Variants in FAM168A observed in about 807,000 individuals in gnomAD.
FAM168A encodes the protein protein FAM168A.
FAM168A carries 3 observed loss-of-function variants against 28.5 expected under a neutral mutation model. That is an observed-to-expected ratio of 0.11 (90% CI 0.05 to 0.27). The LOEUF (loss-of-function observed/expected upper bound fraction) is 0.27. FAM168A is among the 10% of genes least tolerant of loss of function. The pLI is 1.00. For missense variants in FAM168A, 222 were observed against 311.5 expected (o/e 0.71, Z 2.16); for synonymous variants, 122 against 124.2 (o/e 0.98, Z 0.12).
chr11:73,483,165 A>G (rs1045952519), intron 1 of FAM168A, among the ~76,000 whole-genome samples: 1 of 152,228 alleles, frequency 6.6e-6, no homozygotes, highest in African/African-American at 2.4e-5. Flanking sequence ...ATGAAATAAT[A>G]TATGTTCTGC....
intron 2 of FAM168A, among the ~76,000 whole-genome samples, chr11:73,467,661 A>C (rs1233203978): frequency 6.6e-6 from 1 of 152,164 alleles, no homozygotes; most frequent in East Asian, 1.9e-4. Flanking sequence ...TAGGAAACCA[A>C]AGCCCCACAG....
chr11:73,476,477 G>A (rs982378781), intron 1 of FAM168A, among the ~76,000 whole-genome samples: 2 of 145,872 alleles, frequency 1.4e-5, no homozygotes, highest in African/African-American at 5.0e-5. Context: ...TGGGTGGGTG[G>A]AATCCGAATC....
intron 1 of FAM168A, among the ~76,000 whole-genome samples, chr11:73,482,395 C>A (rs1444507912): frequency 6.6e-6 from 1 of 151,764 alleles, no homozygotes; most frequent in South Asian, 2.1e-4. Flanking sequence ...GAAAGACCGA[C>A]AAATAAATAT....
chr11:73,546,831 A>T (rs913379880), intron 1 of FAM168A, among the ~76,000 whole-genome samples: 3 of 152,176 alleles, frequency 2.0e-5, no homozygotes, highest in African/African-American at 7.2e-5. Context: ...CAAAAATTAC[A>T]TATGTGTTAA....
chr11:73,437,036 C>T (rs930729412), intron 2 of FAM168A, among the ~76,000 whole-genome samples: 4 of 151,700 alleles, frequency 2.6e-5, no homozygotes, highest in Non-Finnish European at 5.9e-5. Flanking sequence ...TCCAACTTGT[C>T]ACTCAGCACA....
At chr11:73,554,621 T>C (rs1011629025) in intron 1 of FAM168A, among the ~76,000 whole-genome samples, 2 of 152,196 alleles carry the variant, frequency 1.3e-5, no homozygotes, top group African/African-American at 4.8e-5. Flanking sequence ...AAAAAATGAA[T>C]ATATAAAATG....
chr11:73,592,461 T>C (rs1162558488), intron 1 of FAM168A, among the ~76,000 whole-genome samples: 1 of 152,262 alleles, frequency 6.6e-6, no homozygotes, highest in Non-Finnish European at 1.5e-5. Flanking sequence ...CTTGGTTTAG[T>C]CTCTTTCCTC....
intron 1 of FAM168A, among the ~76,000 whole-genome samples, chr11:73,495,333 T>TTAAA (rs556465950): frequency 4.4e-4 from 67 of 151,848 alleles, no homozygotes; most frequent in Admixed American, 7.9e-4. Context: ...CGTCTCAAAA[T>TTAAA]TAAATAAATA....
intron 3 of FAM168A, among the ~76,000 whole-genome samples, chr11:73,425,915 AG>A (rs1308116144): frequency 6.6e-6 from 1 of 152,240 alleles, no homozygotes; most frequent in African/African-American, 2.4e-5. Flanking sequence ...GTTGGAGGCA[AG>A]AAGCCCCAAC....
intron 1 of FAM168A, among the ~76,000 whole-genome samples, chr11:73,516,009 G>A (rs373049118): frequency 6.6e-6 from 1 of 151,860 alleles, no homozygotes; most frequent in Non-Finnish European, 1.5e-5. Flanking sequence ...GCTGAGGCAG[G>A]AGAATCGCTT....
chr11:73,538,741 GA>G (rs1458638355), intron 1 of FAM168A, among the ~76,000 whole-genome samples: 3 of 152,148 alleles, frequency 2.0e-5, no homozygotes, highest in Non-Finnish European at 4.4e-5. Context: ...TTCCAAAAGA[GA>G]AACCAAGCTT....
intron 1 of FAM168A, among the ~76,000 whole-genome samples, chr11:73,538,732 T>C (rs1363847988): frequency 1.3e-5 from 2 of 152,108 alleles, no homozygotes; most frequent in African/African-American, 4.8e-5. Context: ...AACCAAACAT[T>C]CCAAAAGAGA....
intron 2 of FAM168A, among the ~76,000 whole-genome samples, chr11:73,468,110 A>G (rs539772763): frequency 3.9e-5 from 6 of 152,340 alleles, no homozygotes; most frequent in African/African-American, 1.4e-4. Flanking sequence ...TAACACACTG[A>G]TCATCTAACA....
chr11:73,575,672 C>A (rs1944163370), intron 1 of FAM168A, among the ~76,000 whole-genome samples: 1 of 152,014 alleles, frequency 6.6e-6, no homozygotes, highest in Non-Finnish European at 1.5e-5. Context: ...GAGTTTGAGA[C>A]CAGCCTGGTC....
intron 2 of FAM168A, among the ~76,000 whole-genome samples, chr11:73,448,726 C>T (rs1411788252): frequency 6.6e-6 from 1 of 152,164 alleles, no homozygotes; most frequent in Admixed American, 6.5e-5. Context: ...TCCTCTATAA[C>T]CCTTTTTTCC....
intron 1 of FAM168A, 57 bp from the exon 2 acceptor site, chr11:73,468,549 C>A: frequency 7.6e-7 from 1 of 1,310,226 alleles, no homozygotes. Context: ...TTCCTGACAT[C>A]AGCTTCTCCT....
intron 2 of FAM168A, among the ~76,000 whole-genome samples, chr11:73,466,948 T>C (rs1403721960): frequency 1.3e-5 from 2 of 151,978 alleles, no homozygotes; most frequent in East Asian, 1.9e-4. Context: ...CTACATAAAG[T>C]TGGGACCTTG....
intron 1 of FAM168A, among the ~76,000 whole-genome samples, chr11:73,538,470 T>G (rs1461658599): frequency 6.6e-6 from 1 of 152,108 alleles, no homozygotes; most frequent in Non-Finnish European, 1.5e-5. Flanking sequence ...ATTCCAGAAT[T>G]TTATCTCCTC....
intron 1 of FAM168A, among the ~76,000 whole-genome samples, chr11:73,526,939 CAG>C (rs202049075): frequency 0.015 from 2,209 of 150,380 alleles, 20 homozygotes; most frequent in Non-Finnish European, 0.024. Flanking sequence ...TCAAACTTGC[CAG>C]AGTCTCTGGC....
Sources: allele counts gnomAD v4.1 joint callset (sites outside exome capture counted in the v4.1 genomes callset), GRCh38; gene constraint gnomAD v4.1.1; transcripts MANE v1.5; gene names NCBI Gene and HGNC (gene_info 2026-07-23, HGNC 2026-07-21).